The following MYO3A variants were observed in gnomAD, a reference collection of about 807,000 sequenced individuals.
The protein encoded by MYO3A is myosin IIIA.
A neutral mutation model predicts 192.7 loss-of-function variants in MYO3A; 180 were observed. The observed-to-expected ratio is 0.93, with a 90% CI of 0.83 to 1.06. MYO3A has a LOEUF of 1.06. Among genes scored for constraint, MYO3A ranks in the 50% least tolerant of loss-of-function variants. The pLI is 0.00. For missense variants in MYO3A, 1,896 were observed against 1,905.0 expected (o/e 1.00, Z 0.09); for synonymous variants, 628 against 645.3 (o/e 0.97, Z 0.41).
chr10:26,121,369 G>A (rs1323698900), intron 18 of MYO3A, among the ~76,000 whole-genome samples: 1 of 151,860 alleles, frequency 6.6e-6, no homozygotes, highest in Non-Finnish European at 1.5e-5. Flanking sequence ...TTTCTATTTA[G>A]TGTTGCCTAG....
intron 20 of MYO3A, among the ~76,000 whole-genome samples, chr10:26,139,181 A>G (rs1840014194): frequency 6.6e-6 from 1 of 152,224 alleles, no homozygotes; most frequent in African/African-American, 2.4e-5. Flanking sequence ...GTAAATACAT[A>G]ATCAAAGAAA....
Position 26,095,725 on chromosome 10 carries a change from A to G in MYO3A, c.1563-656A>G, listed in dbSNP as rs185419202. Among the ~76,000 whole-genome samples the G allele has an allele frequency of 2.0e-5, 3 of 152,324 alleles. No individual in the cohort carries two copies. The East Asian group carries it at 5.8e-4, about 29-fold the overall frequency. On this transcript the variant is annotated intron_variant, in intron 15 of 34. Transcript: ENST00000642920. ...ATGGCATTATTGCAGCATCTGGAAAATGCTAGTTATGCTACTTAGAATCAC... is the reference window on the plus strand; with the variant it reads ...ATGGCATTATTGCAGCATCTGGAAAGTGCTAGTTATGCTACTTAGAATCAC...
rs188188134 is a variant in MYO3A, at chr10:26,067,030, C to T, written c.1009C>T (p.Leu337=). 16 of 1,613,170 alleles carry T rather than the reference C, an allele frequency of 9.9e-6. 1 individual carries two copies. The Middle Eastern group carries it at 5.0e-4, about 50-fold the overall frequency. The part of the protein sequence containing the change: ...GNFNRPLISN[L]KDVDDLATLE... Reference sequence around the variant, plus strand: ...CTTCAACCGACCTCTAATATCCAATCTGAAGGATGTAGATGATTTAGCAAC... The same window carrying T: ...CTTCAACCGACCTCTAATATCCAATTTGAAGGATGTAGATGATTTAGCAAC... Residue 337 remains leucine, a synonymous_variant, in exon 11 of 35, where the codon CTG becomes TTG. Transcript: ENST00000642920.
At position 26,024,104 on chromosome 10, in the gene MYO3A, T is replaced by C. The variant is rs775459783; in HGVS notation, c.797+17T>C. The C allele has an allele frequency of 1.2e-5, 20 of 1,604,712 alleles. No individual in the cohort carries two copies. The South Asian group carries it at 1.8e-4, about 14-fold the overall frequency. The stretch of plus-strand genomic sequence containing the variant: ...CATAAGCAAGTGAGTAAAAACAGTC[T>C]TTTAAAAAACCAAAGATATTCCCTC... On this transcript the variant is annotated intron_variant, in intron 9 of 34. Transcript: ENST00000642920.
intron 6 of MYO3A, among the ~76,000 whole-genome samples, chr10:26,005,932 T>C (rs1841173742): frequency 6.6e-6 from 1 of 152,162 alleles, no homozygotes; most frequent in Admixed American, 6.6e-5. Flanking sequence ...AAGGTCTTTA[T>C]AATTATTATG....
intron 10 of MYO3A, among the ~76,000 whole-genome samples, chr10:26,036,038 A>G (rs924399469): frequency 6.6e-6 from 1 of 151,714 alleles, no homozygotes; most frequent in Non-Finnish European, 1.5e-5. Context: ...GGTTCACACC[A>G]TTCTCCTGCC....
intron 20 of MYO3A, among the ~76,000 whole-genome samples, chr10:26,134,189 T>C (rs961357186): frequency 1.3e-5 from 2 of 152,204 alleles, no homozygotes; most frequent in Admixed American, 6.5e-5. Context: ...AACTCATCTC[T>C]TCAAATTTTA....
At chr10:26,145,311 C>G in intron 21 of MYO3A, 135 bp from the exon 22 acceptor site, 1 of 662,584 alleles carries the variant, frequency 1.5e-6, no homozygotes, top group South Asian at 1.8e-5. Flanking sequence ...TAATTCTATT[C>G]CAAATCTGCA....
In MYO3A at chr10:26,202,963, G is replaced by C; in HGVS notation, c.4587-1G>C. 6.2e-7 allele frequency: 1 copy of C among 1,613,494 alleles called. No individual in the cohort carries two copies. Among genetic ancestry groups the C allele is most frequent in the East Asian group, 2.2e-5 (1 of 44,796 alleles). On this transcript the variant is annotated splice_acceptor_variant, in intron 33 of 34. Coordinates refer to ENST00000642920, the MANE Select transcript of MYO3A (RefSeq NM_017433.5). LOFTEE classifies it high-confidence loss of function. ...TGGTGTGTTTATGTGTTCATTTACA[G>C]TCAGGGAAAATTATTAGATTTGGAA...
At chr10:25,989,180 A>T (rs1839856360) in intron 4 of MYO3A, among the ~76,000 whole-genome samples, 1 of 151,648 alleles carries the variant, frequency 6.6e-6, no homozygotes, top group Admixed American at 6.6e-5. Context: ...TCCTAGCCTT[A>T]AGTGATCCTT....
chr10:26,065,942 C>A (rs2131366628), intron 10 of MYO3A, among the ~76,000 whole-genome samples: 1 of 66,650 alleles, frequency 1.5e-5, no homozygotes, highest in Non-Finnish European at 4.0e-5. Flanking sequence ...ACGGTGAAAC[C>A]CCGTCTCTAC....
intron 20 of MYO3A, among the ~76,000 whole-genome samples, chr10:26,133,453 T>C (rs1164660884): frequency 6.6e-6 from 1 of 152,372 alleles, no homozygotes; most frequent in Non-Finnish European, 1.5e-5. Context: ...TCAGGCTCTG[T>C]GTTCCTCATC....
At chr10:25,945,860 G>A (rs1836800693) in intron 2 of MYO3A, among the ~76,000 whole-genome samples, 2 of 151,896 alleles carry the variant, frequency 1.3e-5, no homozygotes, top group African/African-American at 2.4e-5. Flanking sequence ...TGTATATTTT[G>A]TAATGACATG....
rs1842259080 is a variant in MYO3A, at chr10:26,175,126, G to A, written c.4293+569G>A. ...TGGAGAATATCTCATGCCAATCATAGGTGTGTTTCAGCTGTTTCTAGAGAG... is the reference window on the plus strand; with the variant it reads ...TGGAGAATATCTCATGCCAATCATAAGTGTGTTTCAGCTGTTTCTAGAGAG... On this transcript the variant is annotated intron_variant, in intron 30 of 34. Coordinates refer to ENST00000642920, the MANE Select transcript of MYO3A (RefSeq NM_017433.5). 2.0e-5 allele frequency among the ~76,000 whole-genome samples: 3 copies of A among 152,172 alleles called. No individual in the cohort carries two copies. The South Asian group carries it at 6.2e-4, about 32-fold the overall frequency.
intron 10 of MYO3A, among the ~76,000 whole-genome samples, chr10:26,045,411 T>TAGATAGATAGAC (rs1564490148): frequency 7.6e-5 from 11 of 143,928 alleles, no homozygotes; most frequent in African/African-American, 2.8e-4. Flanking sequence ...GATAGATAGA[T>TAGATAGATAGAC]AGATAATGTT....
At chr10:26,024,594 T>G (rs1842457510) in intron 9 of MYO3A, among the ~76,000 whole-genome samples, 1 of 152,320 alleles carries the variant, frequency 6.6e-6, no homozygotes, top group South Asian at 2.1e-4. Flanking sequence ...GTTTTTGTAG[T>G]GGCCAGTAAT....
At position 26,174,415 on chromosome 10, in the gene MYO3A, C is replaced by G; in HGVS notation, c.4151C>G (p.Thr1384Arg). 6.2e-7 allele frequency: 1 copy of G among 1,614,186 alleles called. No homozygotes were observed. Among genetic ancestry groups the G allele is most frequent in the South Asian group, 1.1e-5 (1 of 91,082 alleles). ...FKHQRIVTTPTEVARNTHNLY... is the reference protein window; with the variant it reads ...FKHQRIVTTPREVARNTHNLY... ...CATCAGAGGATTGTCACAACACCAA[C>G]AGAAGTAGCAAGAAACACTCATAAT... Residue 1384 changes from threonine (T) to arginine (R), a missense_variant, in exon 30 of 35, where the codon ACA becomes AGA. Physicochemically the swap from Thr to Arg is moderately conservative, Grantham distance 71 (BLOSUM62 -1). Coordinates refer to ENST00000642920, the MANE Select transcript of MYO3A (RefSeq NM_017433.5).
At chr10:26,095,488 A>G (rs1836963109) in intron 15 of MYO3A, among the ~76,000 whole-genome samples, 1 of 152,136 alleles carries the variant, frequency 6.6e-6, no homozygotes, top group Non-Finnish European at 1.5e-5. Flanking sequence ...CAAGAGTGGA[A>G]GTAAAGCAGG....
intron 2 of MYO3A, among the ~76,000 whole-genome samples, chr10:25,943,690 G>A (rs1335923110): frequency 6.6e-6 from 1 of 151,466 alleles, no homozygotes; most frequent in Non-Finnish European, 1.5e-5. Flanking sequence ...CATTGTTAGT[G>A]TACAGAAAAA....
Sources: allele counts gnomAD v4.1 joint callset (sites outside exome capture counted in the v4.1 genomes callset), GRCh38; gene constraint gnomAD v4.1.1; transcripts MANE v1.5; gene names NCBI Gene and HGNC (gene_info 2026-07-23, HGNC 2026-07-21).